NAV2: variants seen among roughly 807,000 people sequenced by gnomAD.
NAV2 encodes the protein helicase, APC down-regulated 1.
Under a neutral mutation model 223.2 loss-of-function variants are expected in NAV2, and 54 were observed. The ratio of observed to expected loss-of-function variants is 0.24; its 90% CI spans 0.19 to 0.30. The LOEUF (loss-of-function observed/expected upper bound fraction) is 0.30, where lower values mean the gene tolerates loss of function less well. Ranked by LOEUF, NAV2 falls within the 10% of genes least tolerant of loss-of-function variation. The pLI is 1.00. For missense variants in NAV2, 2,806 were observed against 3,147.5 expected, an observed-to-expected ratio of 0.89 and a Z score of 2.60; for synonymous variants, 1,279 against 1,239.3, an observed-to-expected ratio of 1.03 and a Z score of -0.67.
chr11:19,422,878 C>A (rs1229672424), intron 1 of NAV2, among the ~76,000 whole-genome samples: 7 of 152,204 alleles, frequency 4.6e-5, no homozygotes, highest in African/African-American at 1.7e-4. Context: ...GGGCTTGAGG[C>A]AGACAGGCCT....
chr11:19,721,349 TG>T (rs754993543), intron 1 of NAV2, among the ~76,000 whole-genome samples: 2 of 152,204 alleles, frequency 1.3e-5, no homozygotes, highest in Non-Finnish European at 2.9e-5. Context: ...TGAACCCTTT[TG>T]GGATGTTTAA....
intron 1 of NAV2, among the ~76,000 whole-genome samples, chr11:19,664,061 G>C (rs2048352131): frequency 6.6e-6 from 1 of 152,210 alleles, no homozygotes; most frequent in East Asian, 1.9e-4. Flanking sequence ...TATGTGAAAG[G>C]AAGCCTTTCT....
chr11:19,348,881 T>C (rs1853139216), upstream of NAV2, among the ~76,000 whole-genome samples: 1 of 152,120 alleles, frequency 6.6e-6, no homozygotes, highest in African/African-American at 2.4e-5. Flanking sequence ...TAGTTTGAGG[T>C]TTCAATTGGA....
chr11:19,622,763 C>G (rs1474782394), intron 1 of NAV2, among the ~76,000 whole-genome samples: 1 of 152,186 alleles, frequency 6.6e-6, no homozygotes, highest in Non-Finnish European at 1.5e-5. Context: ...AGCCCATTTA[C>G]ATTTAAGGTT....
intron 1 of NAV2, among the ~76,000 whole-genome samples, chr11:19,595,320 A>G (rs2046176958): frequency 6.6e-6 from 1 of 152,196 alleles, no homozygotes; most frequent in Non-Finnish European, 1.5e-5. Flanking sequence ...CATACAAGGA[A>G]CTGAACTATC....
At chr11:20,000,461 C>T (rs182985478) in intron 11 of NAV2, among the ~76,000 whole-genome samples, 2 of 152,158 alleles carry the variant, frequency 1.3e-5, no homozygotes, top group Admixed American at 1.3e-4. Context: ...GGGGAGGGCC[C>T]GGGGTACCGA....
rs2063321876 is a variant in NAV2 at position 20,118,640 on chromosome 11, A to T, written c.*382A>T. 5.7e-6 allele frequency: 1 copy of T among 175,002 alleles called. No homozygotes were observed. The highest frequency in any genetic ancestry group is 6.0e-5 in the Admixed American group (1 of 16,616). 10.8% of individuals were successfully genotyped at this position (175,002 alleles called of 1,614,324 possible). On this transcript the variant is annotated 3_prime_UTR_variant, in exon 38 of 38. Transcript: ENST00000349880. Reference sequence around the variant, plus strand: ...CTCTGAAACCAAACAGCATCCTGCCATGAGCTTCCCAGAGACAGAAGAGAC... The same window carrying T: ...CTCTGAAACCAAACAGCATCCTGCCTTGAGCTTCCCAGAGACAGAAGAGAC...
intron 1 of NAV2, among the ~76,000 whole-genome samples, chr11:19,639,090 C>A (rs1354071850): frequency 6.6e-6 from 1 of 152,176 alleles, no homozygotes; most frequent in Non-Finnish European, 1.5e-5. Context: ...CTTAGAAAGT[C>A]CTGCTCACAA....
chr11:19,761,890 T>A (rs1458822544), intron 1 of NAV2, among the ~76,000 whole-genome samples: 1 of 152,206 alleles, frequency 6.6e-6, no homozygotes, highest in Non-Finnish European at 1.5e-5. Context: ...ACCATCTGCA[T>A]CCTTCCCCTG....
intron 17 of NAV2, among the ~76,000 whole-genome samples, chr11:20,052,454 G>A (rs1357854792): frequency 2.0e-5 from 3 of 152,210 alleles, no homozygotes; most frequent in African/African-American, 4.8e-5. Context: ...TCGTGCCTAT[G>A]AGCTGCTTGT....
chr11:19,908,895 A>C (rs2043091042), intron 6 of NAV2, among the ~76,000 whole-genome samples: 1 of 152,162 alleles, frequency 6.6e-6, no homozygotes, highest in Admixed American at 6.5e-5. Flanking sequence ...GAGTTGCTAG[A>C]GTTTCTTCTT....
intron 1 of NAV2, among the ~76,000 whole-genome samples, chr11:19,563,553 A>G (rs1183748375): frequency 6.6e-6 from 1 of 152,236 alleles, no homozygotes; most frequent in African/African-American, 2.4e-5. Context: ...ATCTTGAAGT[A>G]GCATCCATTA....
At chr11:19,628,344 C>G (rs2047233820) in intron 1 of NAV2, among the ~76,000 whole-genome samples, 1 of 152,208 alleles carries the variant, frequency 6.6e-6, no homozygotes, top group Non-Finnish European at 1.5e-5. Flanking sequence ...CCCCACTGCC[C>G]AGAGCCAAGC....
At chr11:19,483,132 T>C (rs1454045646) in intron 1 of NAV2, among the ~76,000 whole-genome samples, 1 of 152,254 alleles carries the variant, frequency 6.6e-6, no homozygotes, top group Non-Finnish European at 1.5e-5. Flanking sequence ...CAATTTGTTG[T>C]AGGCAAGTAA....
At chr11:19,789,180 T>G (rs1422990191) in intron 1 of NAV2, among the ~76,000 whole-genome samples, 2 of 152,222 alleles carry the variant, frequency 1.3e-5, no homozygotes, top group Non-Finnish European at 2.9e-5. Flanking sequence ...ATTCTTCCAA[T>G]AAAATCAGTA....
intron 37 of NAV2, among the ~76,000 whole-genome samples, chr11:20,117,215 T>TTA (rs1490445803): frequency 6.8e-6 from 1 of 146,854 alleles, no homozygotes; most frequent in Non-Finnish European, 1.5e-5. Flanking sequence ...AAAAGTAGTT[T>TTA]TTATTCCCTC....
At chr11:19,937,178 G>A (rs1332111575) in intron 7 of NAV2, among the ~76,000 whole-genome samples, 2 of 152,078 alleles carry the variant, frequency 1.3e-5, no homozygotes, top group Admixed American at 6.5e-5. Context: ...TAACTAGTGA[G>A]ACCAGGCTCT....
Position 19,418,163 on chromosome 11 carries a change from T to C in NAV2, c.75+67136T>C, listed in dbSNP as rs577288743. 2.0e-5 allele frequency among the ~76,000 whole-genome samples: 3 copies of C among 152,328 alleles called. No homozygotes were observed. The East Asian group carries it at 5.8e-4, about 29-fold the overall frequency. ...TGTCTTCTCTATGACTTTCTGACTT[T>C]CTGGCATCAAGATAGTACAAGCAAA... On this transcript the variant is annotated intron_variant, in intron 1 of 37. Transcript: ENST00000360655.
At chr11:20,022,867 T>A in intron 11 of NAV2, 1 of 1,349,196 alleles carries the variant, frequency 7.4e-7, no homozygotes, top group Middle Eastern at 2.8e-4. Flanking sequence ...ATACCAGCAC[T>A]GAGGCCTGAC....
Sources: gnomAD v4.1 joint callset for allele counts (sites outside exome capture counted in the v4.1 genomes callset) on GRCh38, gnomAD v4.1.1 for gene constraint, MANE v1.5 for transcripts, NCBI Gene and HGNC (gene_info 2026-07-23, HGNC 2026-07-21) for gene names.